The following OTC variants were observed in gnomAD, a reference collection of about 807,000 sequenced individuals.
OTC encodes ornithine transcarbamylase, mitochondrial.
A neutral mutation model predicts 30.3 loss-of-function variants in OTC; 3 were observed. That is an observed-to-expected ratio of 0.10 (90% CI 0.05 to 0.26). The LOEUF (loss-of-function observed/expected upper bound fraction) is 0.26, where lower values mean the gene tolerates loss of function less well. Among genes scored for constraint, OTC ranks in the 10% least tolerant of loss-of-function variants. The pLI is 1.00. For missense variants in OTC, 194 were observed against 260.3 expected (o/e 0.75, Z 1.75); for synonymous variants, 111 against 99.7 (o/e 1.11, Z -0.67).
At chrX:38,359,612 G>C (rs950592353) in intron 1 of OTC, among the ~76,000 whole-genome samples, 1 of 110,044 alleles carries the variant, frequency 9.1e-6, no homozygotes, top group African/African-American at 3.3e-5. Context: ...GTAGAGACGG[G>C]GTTTCATCAT....
chrX:38,396,771 T>C (rs1305542070), intron 4 of OTC, among the ~76,000 whole-genome samples: 1 of 110,610 alleles, frequency 9.0e-6, no homozygotes, highest in Non-Finnish European at 1.9e-5. Flanking sequence ...AGACTCCGTC[T>C]GAAAAAAAAA....
chrX:38,406,566 A>G (rs1474477055), intron 6 of OTC, among the ~76,000 whole-genome samples: 2 of 111,510 alleles, frequency 1.8e-5, no homozygotes, highest in African/African-American at 6.5e-5. Context: ...TGATTTTCTA[A>G]TTTCCAGACC....
intron 9 of OTC, among the ~76,000 whole-genome samples, chrX:38,416,949 G>A (rs1361369458): frequency 1.8e-5 from 2 of 111,881 alleles, no homozygotes; most frequent in Non-Finnish European, 3.8e-5. Context: ...AGTTTGCCCT[G>A]GCTAAACTAG....
chrX:38,421,341 C>CTATATAAAT lies in OTC; in HGVS notation c.*259_*260insTATATAAAT. 5.9e-6 allele frequency: 2 copies of CTATATAAAT among 336,438 alleles called. No individual in the cohort carries two copies. The highest frequency in any genetic ancestry group is 1.1e-5 in the Non-Finnish European group (2 of 190,257). The allele number at this position is 336,438 out of a possible 1,213,427, so 27.7% of individuals were successfully genotyped here. ...TACATTTAGATATCATATTAATTAT[C>CTATATAAAT]ATATACATTTACTTCAACATAAAAT... On this transcript the variant is annotated 3_prime_UTR_variant, in exon 10 of 10. Transcript: ENST00000039007.
the OTC span, among the ~76,000 whole-genome samples, chrX:38,331,205 T>C: frequency 9.0e-6 from 1 of 111,452 alleles, no homozygotes; most frequent in African/African-American, 3.3e-5. Flanking sequence ...GGGCTGGCCT[T>C]AGCTAGGAGG....
chrX:38,350,504 T>G (rs1039315197), upstream of OTC, among the ~76,000 whole-genome samples: 20 of 111,907 alleles, frequency 1.8e-4, no homozygotes, highest in African/African-American at 6.5e-4. Flanking sequence ...TCAAAGCCTG[T>G]AAAGTAAAAC....
At chrX:38,402,411 G>C (rs911496279) in intron 5 of OTC, among the ~76,000 whole-genome samples, 6 of 112,359 alleles carry the variant, frequency 5.3e-5, no homozygotes, top group Non-Finnish European at 1.1e-4. Flanking sequence ...AGTAGGAGCT[G>C]AATGAATAAA....
At chrX:38,385,441 G>A (rs1357017053) in intron 4 of OTC, among the ~76,000 whole-genome samples, 1 of 111,544 alleles carries the variant, frequency 9.0e-6, no homozygotes, top group Non-Finnish European at 1.9e-5. Flanking sequence ...TTGTTGGTGG[G>A]GTGGCGGCTG....
At chrX:38,352,873 G>A (rs894309330) in intron 1 of OTC, 100 bp downstream of exon 1, 8 of 608,098 alleles carry the variant, frequency 1.3e-5, no homozygotes, top group East Asian at 3.4e-5. Flanking sequence ...GTAGTGCCAC[G>A]CTCTGCTTTA....
intron 4 of OTC, among the ~76,000 whole-genome samples, chrX:38,396,436 C>T (rs1281329799): frequency 9.0e-6 from 1 of 111,395 alleles, no homozygotes; most frequent in Non-Finnish European, 1.9e-5. Context: ...GTTAAATCAT[C>T]AAAAGTTTTC....
At chrX:38,348,097 G>A (rs185110432), upstream of OTC, among the ~76,000 whole-genome samples, 93 of 111,758 alleles carry the variant, frequency 8.3e-4, 1 homozygote, top group African/African-American at 2.4e-3. Context: ...TAACTTCTTC[G>A]TCTCCCTTCT....
intron 1 of OTC, among the ~76,000 whole-genome samples, chrX:38,353,291 T>C (rs1470200568): frequency 3.6e-5 from 4 of 112,051 alleles, no homozygotes; most frequent in Non-Finnish European, 7.5e-5. Flanking sequence ...TGCTGGCATG[T>C]GCAAAGCAGG....
intron 9 of OTC, among the ~76,000 whole-genome samples, chrX:38,414,600 T>C (rs1420219114): frequency 8.9e-6 from 1 of 111,979 alleles, no homozygotes; most frequent in Non-Finnish European, 1.9e-5. Flanking sequence ...GTCTAAGTAT[T>C]AACTCTCTAG....
intron 1 of OTC, among the ~76,000 whole-genome samples, chrX:38,360,517 A>G (rs1392487471): frequency 8.9e-6 from 1 of 111,999 alleles, no homozygotes; most frequent in Admixed American, 9.5e-5. Context: ...GAGTCAGGAA[A>G]GGAATCTCTT....
At chrX:38,332,504 T>TTATATATATATATATATATATA in the OTC span, among the ~76,000 whole-genome samples, 663 of 39,169 alleles carry the variant, frequency 0.017, 51 homozygotes, top group Non-Finnish European at 0.022. Context: ...GCCCTAGATT[T>TTATATATATATATATATATATA]TATATATATA....
chrX:38,336,539 A>G, the OTC span, among the ~76,000 whole-genome samples: 1 of 109,331 alleles, frequency 9.1e-6, no homozygotes, highest in South Asian at 4.0e-4. Context: ...AAATAAAAAT[A>G]AAAAAAAGAG....
At chrX:38,333,215 CAA>C in the OTC span, among the ~76,000 whole-genome samples, 78 of 47,139 alleles carry the variant, frequency 1.7e-3, no homozygotes, top group African/African-American at 2.5e-3. Context: ...AACTCTGTCT[CAA>C]AAAAAAAAAA....
chrX:38,397,260 A>T (rs996221429), intron 4 of OTC, among the ~76,000 whole-genome samples: 2 of 111,795 alleles, frequency 1.8e-5, no homozygotes, highest in Non-Finnish European at 3.8e-5. Context: ...ATTTCATTTC[A>T]TGATCTTTAT....
chrX:38,358,439 T>C (rs555010785), intron 1 of OTC, among the ~76,000 whole-genome samples: 39 of 110,723 alleles, frequency 3.5e-4, no homozygotes, highest in African/African-American at 1.2e-3. Flanking sequence ...ACCATTGTAT[T>C]TGCTTTCCTT....
Sources: gnomAD v4.1 joint callset for allele counts (sites outside exome capture counted in the v4.1 genomes callset) on GRCh38, gnomAD v4.1.1 for gene constraint, MANE v1.5 for transcripts, NCBI Gene and HGNC (gene_info 2026-07-23, HGNC 2026-07-21) for gene names.